The following LRP1B variants were observed in gnomAD, a reference collection of about 807,000 sequenced individuals.
The protein encoded by LRP1B is LDL receptor related protein 1B.
Under a neutral mutation model 556.6 loss-of-function variants are expected in LRP1B, and 217 were observed. The ratio of observed to expected loss-of-function variants is 0.39; its 90% CI spans 0.35 to 0.44. The LOEUF (loss-of-function observed/expected upper bound fraction) is 0.44, where lower values mean the gene tolerates loss of function less well. Ranked by LOEUF, LRP1B falls within the 20% of genes least tolerant of loss-of-function variation. The pLI is 1.00. For missense variants in LRP1B, 5,053 were observed against 5,620.8 expected, an observed-to-expected ratio of 0.90 and a Z score of 3.23; for synonymous variants, 2,047 against 1,865.8, an observed-to-expected ratio of 1.10 and a Z score of -2.50.
intron 62 of LRP1B, among the ~76,000 whole-genome samples, chr2:140,453,919 A>G (rs1389833345): frequency 6.6e-6 from 1 of 152,196 alleles, no homozygotes; most frequent in Non-Finnish European, 1.5e-5. Context: ...GCTTACTAGC[A>G]TGATTCTTAA....
intron 1 of LRP1B, among the ~76,000 whole-genome samples, chr2:142,109,736 A>T (rs1055029856): frequency 6.6e-6 from 1 of 152,172 alleles, no homozygotes; most frequent in Non-Finnish European, 1.5e-5. Context: ...TACTGGTTTT[A>T]ATTGCTTTGC....
intron 1 of LRP1B, among the ~76,000 whole-genome samples, chr2:141,880,404 A>T (rs1698916342): frequency 6.6e-6 from 1 of 152,104 alleles, no homozygotes; most frequent in African/African-American, 2.4e-5. Context: ...AATATGTGAT[A>T]CATATGTGAA....
At chr2:141,406,657 A>T (rs1227287078) in intron 3 of LRP1B, among the ~76,000 whole-genome samples, 1 of 151,830 alleles carries the variant, frequency 6.6e-6, no homozygotes, top group Non-Finnish European at 1.5e-5. Context: ...TTTCCAAAGT[A>T]TTATAAGTAG....
chr2:140,343,397 G>T (rs924077613), intron 77 of LRP1B, among the ~76,000 whole-genome samples: 23 of 151,510 alleles, frequency 1.5e-4, no homozygotes, highest in African/African-American at 5.6e-4. Flanking sequence ...TTCATAAAAT[G>T]CCTGGACTAT....
rs540393378 is a variant in LRP1B at position 140,669,216 on chromosome 2, C to T, written c.6799+31034G>A. On this transcript the variant is annotated intron_variant, in intron 41 of 90. Coordinates refer to ENST00000389484, the MANE Select transcript of LRP1B (RefSeq NM_018557.3). ...ATTAGTAAATATTAATACCTGTTAT[C>T]TGGCTCTTATAGGGATATAAAAAAA... Among the ~76,000 whole-genome samples, 18 of 152,190 alleles carry T rather than the reference C, an allele frequency of 1.2e-4. 2 individuals are homozygous for T. Among genetic ancestry groups the T allele is most frequent in the African/African-American group, 3.4e-4 (14 of 41,522 alleles).
At chr2:140,480,667 C>T (rs1472394025) in intron 59 of LRP1B, among the ~76,000 whole-genome samples, 1 of 151,988 alleles carries the variant, frequency 6.6e-6, no homozygotes, top group Non-Finnish European at 1.5e-5. Flanking sequence ...TCCCGAACTC[C>T]TAACCTCAGG....
intron 4 of LRP1B, among the ~76,000 whole-genome samples, chr2:141,251,903 C>G (rs150828526): frequency 1.4e-4 from 22 of 152,200 alleles, no homozygotes; most frequent in Middle Eastern, 3.4e-3. Flanking sequence ...CTGCTCATAT[C>G]CCTCAGAGTG....
intron 14 of LRP1B, 100 bp from the exon 15 acceptor site, chr2:141,005,557 A>C (rs1697549827): frequency 8.5e-6 from 8 of 945,728 alleles, no homozygotes; most frequent in Non-Finnish European, 1.1e-5. Context: ...TATGCTATGT[A>C]TATTATATAT....
At chr2:140,859,071 C>T (rs139273451) in intron 27 of LRP1B, among the ~76,000 whole-genome samples, 1,622 of 152,168 alleles carry the variant, frequency 0.011, 22 homozygotes, top group African/African-American at 0.032. Flanking sequence ...TTGCCTGCTT[C>T]GGCCTCCCAA....
intron 2 of LRP1B, among the ~76,000 whole-genome samples, chr2:141,695,541 T>C (rs1691707278): frequency 6.6e-6 from 1 of 151,984 alleles, no homozygotes. Flanking sequence ...GTTATGTAAC[T>C]TGGCATTTTC....
At chr2:141,912,477 C>A (rs1428762750) in intron 1 of LRP1B, among the ~76,000 whole-genome samples, 2 of 151,928 alleles carry the variant, frequency 1.3e-5, no homozygotes, top group Non-Finnish European at 2.9e-5. Context: ...AGGCTCGGGG[C>A]AAATCATCAA....
intron 53 of LRP1B, among the ~76,000 whole-genome samples, chr2:140,503,497 G>A (rs1689283201): frequency 6.6e-6 from 1 of 152,014 alleles, no homozygotes; most frequent in Non-Finnish European, 1.5e-5. Flanking sequence ...GAGCTATAAC[G>A]ATAATTCTCA....
chr2:141,368,646 G>C (rs1421779328), intron 3 of LRP1B, among the ~76,000 whole-genome samples: 1 of 152,074 alleles, frequency 6.6e-6, no homozygotes, highest in Non-Finnish European at 1.5e-5. Flanking sequence ...TTTACGCTTG[G>C]GAATGATACC....
intron 35 of LRP1B, among the ~76,000 whole-genome samples, chr2:140,728,212 G>T (rs936614181): frequency 1.1e-4 from 16 of 152,064 alleles, no homozygotes; most frequent in African/African-American, 2.2e-4. Context: ...GTAATAAAAA[G>T]AATCTTTCAC....
At chr2:140,315,393 A>G (rs1325147360) in intron 82 of LRP1B, among the ~76,000 whole-genome samples, 1 of 152,076 alleles carries the variant, frequency 6.6e-6, no homozygotes, top group African/African-American at 2.4e-5. Context: ...ACTTTCTAAA[A>G]GTAATATATT....
chr2:140,785,645 CT>C lies in LRP1B; in HGVS notation c.5360-9408del, dbSNP rs202191834. On this transcript the variant is annotated intron_variant, in intron 32 of 90. Transcript: ENST00000389484. ...CACTTACGACTTCGCTAACTACCCCCTATACCGCCCCAACAGCTCCCAAATC... is the reference window on the plus strand; with the variant it reads ...CACTTACGACTTCGCTAACTACCCCCATACCGCCCCAACAGCTCCCAAATC... Among the ~76,000 whole-genome samples, 919 of 152,274 alleles carry C rather than the reference CT, an allele frequency of 6.0e-3. 11 individuals are homozygous for C. Among genetic ancestry groups the C allele is most frequent in the African/African-American group, 0.021 (864 of 41,554 alleles).
intron 2 of LRP1B, among the ~76,000 whole-genome samples, chr2:141,520,626 C>T (rs1049343338): frequency 3.3e-5 from 5 of 151,990 alleles, no homozygotes; most frequent in African/African-American, 7.2e-5. Flanking sequence ...CGATGGTAAA[C>T]GGGTCGGGAG....
intron 2 of LRP1B, among the ~76,000 whole-genome samples, chr2:141,688,724 G>T (rs1419755143): frequency 6.6e-6 from 1 of 151,784 alleles, no homozygotes; most frequent in Non-Finnish European, 1.5e-5. Flanking sequence ...GCCACTTTAA[G>T]ATATCTGCCT....
At chr2:140,976,619 T>C (rs1696611190) in intron 18 of LRP1B, among the ~76,000 whole-genome samples, 1 of 149,074 alleles carries the variant, frequency 6.7e-6, no homozygotes, top group East Asian at 2.1e-4. Flanking sequence ...GCTATTCTCC[T>C]GCCTCAGCCT....
Sources: allele counts gnomAD v4.1 joint callset (sites outside exome capture counted in the v4.1 genomes callset), GRCh38; gene constraint gnomAD v4.1.1; transcripts MANE v1.5; gene names NCBI Gene and HGNC (gene_info 2026-07-23, HGNC 2026-07-21).